C3: variants seen among roughly 807,000 people sequenced by gnomAD.
C3 encodes the protein complement C3.
Under a neutral mutation model 207.9 loss-of-function variants are expected in C3, and 97 were observed. That is an observed-to-expected ratio of 0.47 (90% CI 0.40 to 0.55). The LOEUF is 0.55. Among genes scored for constraint, C3 ranks in the 20% least tolerant of loss-of-function variants. C3 has a pLI of 0.00. For missense variants in C3, 1,684 were observed against 2,171.7 expected (o/e 0.78, Z 4.46); for synonymous variants, 848 against 857.6 (o/e 0.99, Z 0.20).
At chr19:6,682,483 G>A (rs531188497) in intron 33 of C3, 16 of 477,564 alleles carry the variant, frequency 3.4e-5, no homozygotes, top group Admixed American at 3.0e-4. Flanking sequence ...AATAACATTG[G>A]ATGCATTATT....
At chr19:6,717,856 T>G in intron 4 of C3, 1 of 617,654 alleles carries the variant, frequency 1.6e-6, no homozygotes, top group Non-Finnish European at 3.0e-6. Flanking sequence ...TGTGTGTGCA[T>G]TGTGTGTGCA....
chr19:6,682,346 C>A, intron 33 of C3, 117 bp from the exon 34 acceptor site: 1 of 764,658 alleles, frequency 1.3e-6, no homozygotes, highest in Admixed American at 1.9e-5. Flanking sequence ...CATAGCAGCA[C>A]AGAGGGGCGT....
chr19:6,706,280 TGATGGGTGGG>T (rs1967772100), intron 17 of C3, among the ~76,000 whole-genome samples: 5 of 152,216 alleles, frequency 3.3e-5, no homozygotes. Flanking sequence ...CAATTCAGAC[TGATGGGTGGG>T]GCTGGGATGA....
At chr19:6,703,820 C>T (rs377543431) in intron 17 of C3, among the ~76,000 whole-genome samples, 2 of 151,868 alleles carry the variant, frequency 1.3e-5, no homozygotes, top group Non-Finnish European at 2.9e-5. Context: ...TGATGGCATG[C>T]GCCTGTAATC....
chr19:6,719,429 G>A lies in C3; in HGVS notation c.75-26C>T, dbSNP rs756481194. The A allele has an allele frequency of 1.4e-5, 22 of 1,605,954 alleles. No individual in the cohort carries two copies. The East Asian group carries it at 2.2e-4, about 16-fold the overall frequency. On this transcript the variant is annotated intron_variant, in intron 1 of 40. Coordinates refer to ENST00000245907, the MANE Select transcript of C3 (RefSeq NM_000064.4). This position sits in a 1 kb window ranked among gnomAD's most constrained non-coding sequence, Gnocchi z 5.4. ...CTGTCGGAGTGGGGCACGGGAGTGG[G>A]CTTGTCATTCCACGGATGTGAGACG...
At chr19:6,689,618 G>T (rs1239033434) in intron 27 of C3, among the ~76,000 whole-genome samples, 1 of 152,052 alleles carries the variant, frequency 6.6e-6, no homozygotes, top group Non-Finnish European at 1.5e-5. Flanking sequence ...GGCTAAGGTG[G>T]GTGGATCACT....
At position 6,719,204 on chromosome 19, in the gene C3, C is replaced by T. The variant is rs1437596704; in HGVS notation, c.267+7G>A. 2 of 1,612,818 alleles carry T rather than the reference C, an allele frequency of 1.2e-6. No individual in the cohort carries two copies. Among genetic ancestry groups the T allele is most frequent in the Non-Finnish European group, 1.7e-6 (2 of 1,178,956 alleles). Reference sequence around the variant, plus strand: ...GTCAGCCGGGTCCTGCGCCAGTCTGCACTCACCGTGAAGGTGACGTTGCCC... The same window carrying T: ...GTCAGCCGGGTCCTGCGCCAGTCTGTACTCACCGTGAAGGTGACGTTGCCC... On this transcript the variant is annotated splice_region_variant and intron_variant, in intron 2 of 40. Coordinates refer to ENST00000245907, the MANE Select transcript of C3 (RefSeq NM_000064.4). This position sits in a 1 kb window ranked among gnomAD's most constrained non-coding sequence, Gnocchi z 5.4.
In C3 at chr19:6,677,979, G is replaced by A. The variant is rs1477123397; in HGVS notation, c.4895C>T (p.Pro1632Leu). The A allele has an allele frequency of 6.2e-7, 1 of 1,614,076 alleles. No homozygotes were observed. Among genetic ancestry groups the A allele is most frequent in the Non-Finnish European group, 8.5e-7 (1 of 1,180,006 alleles). ...TTCGTCTTGGCATTCGTCCTCCTCG[G>A]GCCAGTGCTCCACCCAAGTGTCCTT... Reference protein sequence around the residue: ...IGKDTWVEHWPEEDECQDEEN... With the variant: ...IGKDTWVEHWLEEDECQDEEN... The change falls in exon 41 of 41, where the codon CCC (proline) becomes CTC (leucine). Residue 1632 changes from proline (P) to leucine (L), a missense_variant. Coordinates refer to ENST00000245907, the MANE Select transcript of C3 (RefSeq NM_000064.4).
At chr19:6,710,297 G>A (rs1309509738) in intron 13 of C3, among the ~76,000 whole-genome samples, 1 of 140,178 alleles carries the variant, frequency 7.1e-6, no homozygotes, top group Admixed American at 7.0e-5. Context: ...AAAGAGAGGG[G>A]AGAGAGAGGG....
intron 4 of C3, among the ~76,000 whole-genome samples, chr19:6,715,162 G>A (rs1468269703): frequency 6.6e-6 from 1 of 151,960 alleles, no homozygotes. Flanking sequence ...GGGTGAAAGA[G>A]CGAGACCCCA....
chr19:6,685,122 A>C lies in C3; in HGVS notation c.3835T>G (p.Leu1279Val). ...GGGGCGTCCTTTTGGTATTGAGCCA[A>C]GGCTTGGAACACCATGAAGGTGGCC... is the stretch of plus-strand genomic sequence containing the variant. ...TQATFMVFQALAQYQKDAPDH... is the reference protein window; with the variant it reads ...TQATFMVFQAVAQYQKDAPDH... The change falls in exon 30 of 41, where the codon TTG (leucine) becomes GTG (valine). Residue 1279 changes from leucine to valine, a missense_variant. By Grantham distance (32) the Leu-to-Val change is conservative (BLOSUM62 1). This residue lies in a region of C3 where 1,280 missense variants were observed against 1,739.1 expected (regional missense o/e 0.74). Coordinates refer to ENST00000245907, the MANE Select transcript of C3 (RefSeq NM_000064.4). 2 of 1,613,998 alleles carry C rather than the reference A, an allele frequency of 1.2e-6. No individual in the cohort carries two copies. Among genetic ancestry groups the C allele is most frequent in the South Asian group, 2.2e-5 (2 of 91,052 alleles).
rs190354796 is a variant in C3 at position 6,684,775 on chromosome 19, C to T, written c.4029G>A (p.Ser1343=). 1.1e-5 allele frequency: 17 copies of T among 1,614,134 alleles called. No homozygotes were observed. The highest frequency in any genetic ancestry group is 8.0e-5 in the African/African-American group (6 of 75,034). ...GCAGGTGTGGGTTTCTGTTCCTTAC[C>T]GACAAGGTGCCTTGGCCTTTTCCTT... is the stretch of plus-strand genomic sequence containing the variant. ...TAEGKGQGTL[S]VVTMYHAKAK... is the part of the protein sequence containing the mutation. Residue 1343 remains serine, a splice_region_variant and synonymous_variant, in exon 31 of 41, where the codon TCG becomes TCA. Transcript: ENST00000245907.
At chr19:6,678,484 G>C (rs11569564) in intron 38 of C3, 29 bp from the exon 39 acceptor site, 15 of 1,600,962 alleles carry the variant, frequency 9.4e-6, no homozygotes, top group Non-Finnish European at 1.3e-5. Context: ...CAGTTTGGGT[G>C]GTGGGCTAGG....
chr19:6,707,948 T>C lies in C3; in HGVS notation c.1846-19A>G. 4.3e-6 allele frequency: 7 copies of C among 1,612,860 alleles called. No homozygotes were observed. The highest frequency in any genetic ancestry group is 5.9e-6 in the Non-Finnish European group (7 of 1,179,802). Reference sequence around the variant, plus strand: ...CCCAGATCTGCGGGGGGCATAGGGGTGGCGGGACGCAGGGAGGCCAGGCTG... The same window carrying C: ...CCCAGATCTGCGGGGGGCATAGGGGCGGCGGGACGCAGGGAGGCCAGGCTG... On this transcript the variant is annotated intron_variant, in intron 14 of 40. Coordinates refer to ENST00000245907, the MANE Select transcript of C3 (RefSeq NM_000064.4).
intron 35 of C3, 44 bp downstream of exon 35, chr19:6,681,897 G>A (rs1917871289): frequency 7.1e-7 from 1 of 1,404,964 alleles, no homozygotes; most frequent in Admixed American, 1.7e-5. Context: ...ATAGAGGTCA[G>A]GGTGCCCCTG....
rs1449698018 is a variant in C3, at chr19:6,719,183, GC to G, written c.267+27del. On this transcript the variant is annotated intron_variant, in intron 2 of 40. Coordinates refer to ENST00000245907, the MANE Select transcript of C3 (RefSeq NM_000064.4). This position sits in a 1 kb window ranked among gnomAD's most constrained non-coding sequence, Gnocchi z 5.4. ...GGAGTGGGCGTGGCTGTGGGTGTCAGCCGGGTCCTGCGCCAGTCTGCACTCA... is the reference window on the plus strand; with the variant it reads ...GGAGTGGGCGTGGCTGTGGGTGTCAGCGGGTCCTGCGCCAGTCTGCACTCA... 1.9e-6 allele frequency: 3 copies of G among 1,607,580 alleles called. No individual in the cohort carries two copies. Among genetic ancestry groups the G allele is most frequent in the Non-Finnish European group, 2.6e-6 (3 of 1,174,184 alleles).
In C3 at chr19:6,693,090, T is replaced by G; in HGVS notation, c.3231-7A>C. On this transcript the variant is annotated splice_region_variant and splice_polypyrimidine_tract_variant and intron_variant, in intron 25 of 40. Coordinates refer to ENST00000245907, the MANE Select transcript of C3 (RefSeq NM_000064.4). ...GACCACGTAGGCGGTCAGCCTGGAG[T>G]GGGCACAGAGCATGAGCCAATCGGC... 1 of 1,613,546 alleles carries G rather than the reference T, an allele frequency of 6.2e-7. No homozygotes were observed. The highest frequency in any genetic ancestry group is 1.7e-5 in the Admixed American group (1 of 60,004).
At chr19:6,714,677 C>T (rs182051728) in intron 4 of C3, among the ~76,000 whole-genome samples, 2 of 152,182 alleles carry the variant, frequency 1.3e-5, no homozygotes, top group South Asian at 2.1e-4. Context: ...GCCTGGCCAA[C>T]GTGATGAAAC....
At position 6,713,467 on chromosome 19, in the gene C3, G is replaced by A; in HGVS notation, c.816C>T (p.Ile272=). The part of the protein sequence containing the change: ...GKKVEGTAFV[I]FGIQDGEQRI... Reference sequence around the variant, plus strand: ...TCTGTTCGCCATCCTGGATCCCGAAGATGACAAAGGCAGTTCCCTCCACTT... The same window carrying A: ...TCTGTTCGCCATCCTGGATCCCGAAAATGACAAAGGCAGTTCCCTCCACTT... The change falls in exon 8 of 41, where the codon ATC becomes ATT. Residue 272 remains isoleucine, a synonymous_variant. Transcript: ENST00000245907. The A allele has an allele frequency of 6.2e-7, 1 of 1,613,940 alleles. No individual in the cohort carries two copies. Among genetic ancestry groups the A allele is most frequent in the Non-Finnish European group, 8.5e-7 (1 of 1,179,938 alleles).
Sources: gnomAD v4.1 joint callset for allele counts (sites outside exome capture counted in the v4.1 genomes callset) on GRCh38, gnomAD v4.1.1 for gene constraint, gnomAD v4.1.1 regional missense constraint, Gnocchi (gnomAD v3.1) non-coding constraint, MANE v1.5 for transcripts, NCBI Gene and HGNC (gene_info 2026-07-23, HGNC 2026-07-21) for gene names.